UVSSA: variants seen among roughly 807,000 people sequenced by gnomAD.
UVSSA encodes the protein UV stimulated scaffold protein A.
UVSSA carries 72 observed loss-of-function variants against 73.9 expected under a neutral mutation model. That is an observed-to-expected ratio of 0.97 (90% CI 0.81 to 1.19). The LOEUF (loss-of-function observed/expected upper bound fraction) is 1.19. Among genes scored for constraint, UVSSA ranks in the 50% most tolerant of loss-of-function variants. UVSSA has a pLI of 0.00. For missense variants in UVSSA, 1,150 were observed against 965.0 expected (o/e 1.19, Z -2.54); for synonymous variants, 454 against 391.3 (o/e 1.16, Z -1.89).
intron 10 of UVSSA, among the ~76,000 whole-genome samples, chr4:1,377,489 G>A (rs1409198077): frequency 1.3e-5 from 2 of 152,064 alleles, no homozygotes; most frequent in South Asian, 2.1e-4. Context: ...CGGAGAGGTC[G>A]GGAAGAAACA....
At chr4:1,368,811 G>A (rs1717660583) in intron 8 of UVSSA, among the ~76,000 whole-genome samples, 1 of 152,244 alleles carries the variant, frequency 6.6e-6, no homozygotes, top group South Asian at 2.1e-4. Flanking sequence ...TCCCTGCTGG[G>A]TCCGTCCTGG....
intron 7 of UVSSA, chr4:1,359,575 C>T (rs1056453466): frequency 2.0e-5 from 3 of 152,220 alleles, no homozygotes; most frequent in Admixed American, 6.5e-5. Context: ...GTCTTTCCTT[C>T]TGCTAGTTAC....
In UVSSA at chr4:1,385,998, TC is replaced by T; in HGVS notation, c.*40del. 4 of 1,606,016 alleles carry T rather than the reference TC, an allele frequency of 2.5e-6. No homozygotes were observed. Among genetic ancestry groups the T allele is most frequent in the Non-Finnish European group, 3.4e-6 (4 of 1,172,978 alleles). On this transcript the variant is annotated 3_prime_UTR_variant, in exon 14 of 14. Transcript: ENST00000389851. The stretch of plus-strand genomic sequence containing the variant: ...CAGTGCACTGGCCATCAGCACTTTC[TC>T]CCTCTGCCAGTGTCTCAGGACAGCA...
In UVSSA at chr4:1,353,252, C is replaced by T; in HGVS notation, c.773C>T (p.Pro258Leu). ...CAGCCCTGCTGCAGTAGAGACCTGC[C>T]TGCCTCTGCAGGCCACCCCAGAGCG... is the stretch of plus-strand genomic sequence containing the variant. Reference protein sequence around the residue: ...GEQPCCSRDLPASAGHPRAGG... With the variant: ...GEQPCCSRDLLASAGHPRAGG... Residue 258 changes from proline (P) to leucine (L), a missense_variant, in exon 5 of 14, where the codon CCT (proline) becomes CTT (leucine). Coordinates refer to ENST00000389851, the MANE Select transcript of UVSSA (RefSeq NM_020894.4). 1 of 1,611,708 alleles carries T rather than the reference C, an allele frequency of 6.2e-7. No individual in the cohort carries two copies. The highest frequency in any genetic ancestry group is 1.1e-5 in the South Asian group (1 of 91,078).
rs1713857920 is a variant in UVSSA, at chr4:1,347,395, C to T, written c.-368C>T. ...CCCTGGGCCGAGTGACAGGCCGCAG[C>T]CCCCCGAGCACCGTCGAAGCCGGCG... is the stretch of plus-strand genomic sequence containing the variant. On this transcript the variant is annotated 5_prime_UTR_variant, in exon 1 of 14. Transcript: ENST00000389851. 1.3e-5 allele frequency: 2 copies of T among 152,260 alleles called. No individual in the cohort carries two copies. The highest frequency in any genetic ancestry group is 1.9e-4 in the East Asian group (1 of 5,188). 9.4% of individuals were successfully genotyped at this position (152,260 alleles called of 1,614,324 possible).
At chr4:1,362,632 C>T (rs1394355535) in intron 7 of UVSSA, among the ~76,000 whole-genome samples, 1 of 152,232 alleles carries the variant, frequency 6.6e-6, no homozygotes, top group Non-Finnish European at 1.5e-5. Context: ...GTGCCCAGCC[C>T]CTCAGCAGGG....
intron 8 of UVSSA, among the ~76,000 whole-genome samples, chr4:1,374,188 G>C (rs1718472952): frequency 6.6e-6 from 1 of 152,230 alleles, no homozygotes; most frequent in South Asian, 2.1e-4. Context: ...GAGCCCCCCT[G>C]GCCGGCAGCC....
At chr4:1,382,482 A>G (rs1164854367) in intron 12 of UVSSA, among the ~76,000 whole-genome samples, 3 of 152,214 alleles carry the variant, frequency 2.0e-5, no homozygotes, top group African/African-American at 7.2e-5. Context: ...GCGCCCAGGA[A>G]GGCCGCGCGG....
At chr4:1,348,628 C>T (rs1481977588) in intron 2 of UVSSA, among the ~76,000 whole-genome samples, 3 of 152,208 alleles carry the variant, frequency 2.0e-5, no homozygotes, top group Non-Finnish European at 4.4e-5. Flanking sequence ...CTGCCGTCAC[C>T]CTCAGGCAGC....
chr4:1,375,997 A>C (rs1399154044), intron 9 of UVSSA, 37 bp from the exon 10 acceptor site: 1 of 1,569,188 alleles, frequency 6.4e-7, no homozygotes, highest in Non-Finnish European at 8.6e-7. Context: ...GGGTGGCACC[A>C]GCAGCACCGT....
chr4:1,360,743 G>T (rs1476414681), intron 7 of UVSSA, among the ~76,000 whole-genome samples: 1 of 152,160 alleles, frequency 6.6e-6, no homozygotes, highest in South Asian at 2.1e-4. Flanking sequence ...TCATTTTCCC[G>T]AGCCCAGAGT....
intron 10 of UVSSA, among the ~76,000 whole-genome samples, chr4:1,376,784 G>C (rs924013989): frequency 1.3e-5 from 2 of 152,194 alleles, no homozygotes; most frequent in Admixed American, 6.5e-5. Context: ...ACGGCCTATC[G>C]GGGGAACAGG....
chr4:1,376,189 A>G (rs1391878035), intron 10 of UVSSA, 21 bp downstream of exon 10: 1 of 1,597,530 alleles, frequency 6.3e-7, no homozygotes, highest in Non-Finnish European at 8.5e-7. Context: ...ATGTGTCTGA[A>G]GTCGGCCAGG....
chr4:1,380,349 C>A, intron 11 of UVSSA, 119 bp downstream of exon 11: 1 of 1,289,990 alleles, frequency 7.8e-7, no homozygotes, highest in Non-Finnish European at 1.0e-6. Flanking sequence ...CACTGAGAAG[C>A]CCATGGAAGG....
At chr4:1,363,407 A>G (rs1446620499) in intron 7 of UVSSA, among the ~76,000 whole-genome samples, 1 of 152,236 alleles carries the variant, frequency 6.6e-6, no homozygotes, top group Non-Finnish European at 1.5e-5. Flanking sequence ...ATTTTTTAGG[A>G]AATGAAAATT....
At chr4:1,359,832 TCAGTGGGCTCCAGGATGCAGCTGA>T (rs6148274) in intron 7 of UVSSA, among the ~76,000 whole-genome samples, 5,431 of 152,270 alleles carry the variant, frequency 0.036, 344 homozygotes, top group African/African-American at 0.12. Flanking sequence ...CCTCTGATGT[TCAGTGGGCTCCAGGATGCAGCTGA>T]CAGCCTCCCG....
In UVSSA at chr4:1,386,007, C is replaced by T. The variant is rs758310061; in HGVS notation, c.*46C>T. ...GGCCATCAGCACTTTCTCCCTCTGC[C>T]AGTGTCTCAGGACAGCAGAGTGGGC... On this transcript the variant is annotated 3_prime_UTR_variant, in exon 14 of 14. Coordinates refer to ENST00000389851, the MANE Select transcript of UVSSA (RefSeq NM_020894.4). The T allele has an allele frequency of 6.3e-7, 1 of 1,594,004 alleles. No individual in the cohort carries two copies. Among genetic ancestry groups the T allele is most frequent in the East Asian group, 2.2e-5 (1 of 44,794 alleles).
chr4:1,355,119 C>T lies in UVSSA; in HGVS notation c.1050C>T (p.Arg350=). The T allele has an allele frequency of 6.2e-7, 1 of 1,613,616 alleles. No homozygotes were observed. Among genetic ancestry groups the T allele is most frequent in the Non-Finnish European group, 8.5e-7 (1 of 1,179,858 alleles). Residue 350 remains arginine, a splice_region_variant and synonymous_variant, in exon 7 of 14, where the codon CGC becomes CGT. Coordinates refer to ENST00000389851, the MANE Select transcript of UVSSA (RefSeq NM_020894.4). ...FLPAVCSWIQ[R]FTRVGTHGGC... is the part of the protein sequence containing the mutation. Reference sequence around the variant, plus strand: ...CTGTTCGCACCCCCGTTTCGCAGCGCTTCACCCGCGTCGGGACCCACGGTG... The same window carrying T: ...CTGTTCGCACCCCCGTTTCGCAGCGTTTCACCCGCGTCGGGACCCACGGTG...
chr4:1,379,035 C>T (rs1482644601), intron 10 of UVSSA, among the ~76,000 whole-genome samples: 1 of 150,844 alleles, frequency 6.6e-6, no homozygotes, highest in African/African-American at 2.4e-5. Flanking sequence ...TAGCGTGGGC[C>T]GTGCCTGGGG....
Sources: allele counts gnomAD v4.1 joint callset (sites outside exome capture counted in the v4.1 genomes callset), GRCh38; gene constraint gnomAD v4.1.1; transcripts MANE v1.5; gene names NCBI Gene and HGNC (gene_info 2026-07-23, HGNC 2026-07-21).